Variants in ZNF705G observed in about 807,000 individuals in gnomAD.
ZNF705G encodes the protein zinc finger protein 705G, also known as putative zinc finger protein 705G.
In ZNF705G, 23 loss-of-function variants were observed where a neutral mutation model predicts 19.6. That is an observed-to-expected ratio of 1.17 (90% confidence interval 0.84 to 1.66). The LOEUF is 1.66. Ranked by LOEUF, ZNF705G falls within the 40% of genes most tolerant of loss-of-function variation. The probability of loss-of-function intolerance (pLI) is 0.00; values close to 1 mark genes in which losing one functional copy is unlikely to be tolerated. For missense variants in ZNF705G, 457 were observed against 354.4 expected (o/e 1.29, Z -2.32); for synonymous variants, 146 against 117.7 (o/e 1.24, Z -1.56).
Position 7,358,265 on chromosome 8 carries a change from C to A in ZNF705G, c.614G>T (p.Cys205Phe), listed in dbSNP as rs1343453775. The A allele has an allele frequency of 6.2e-7, 1 of 1,607,666 alleles. No individual in the cohort carries two copies. ...AGAACACTGAGTGAAGGCTTTTCTA[C>A]ATAGATGACATGCATATGGCCTCTC... ...TGERPYACHLCRKAFTQCSHL... is the reference protein window; with the variant it reads ...TGERPYACHLFRKAFTQCSHL... The change falls in exon 7 of 7, where the codon TGT becomes TTT. Residue 205 changes from cysteine to phenylalanine, a missense_variant. Transcript: ENST00000400156.
Position 7,381,021 on chromosome 8 carries a change from AC to A in ZNF705G, c.-72+430del, listed in dbSNP as rs1240616624. On this transcript the variant is annotated intron_variant, in intron 2 of 6. Coordinates refer to ENST00000400156, the MANE Select transcript of ZNF705G (RefSeq NM_001164457.3). Reference sequence around the variant, plus strand: ...ACAGAGCTAGACTCTGTCTCAAACCACCACCAAAAAAAAAAAAAAAAAAAAA... The same window carrying A: ...ACAGAGCTAGACTCTGTCTCAAACCACACCAAAAAAAAAAAAAAAAAAAAA... 1.2e-3 allele frequency among the ~76,000 whole-genome samples: 32 copies of A among 26,750 alleles called. 11 individuals are homozygous for A. The highest frequency in any genetic ancestry group is 2.3e-3 in the East Asian group (2 of 858). 17.5% of individuals were successfully genotyped at this position (26,750 alleles called of 152,430 possible). A position where few individuals can be genotyped will look rare whatever the true frequency, so the allele number is the denominator to read the frequency against.
At chr8:7,360,372 C>T (rs1247766005) in intron 4 of ZNF705G, 40 bp from the exon 5 acceptor site, 7 of 1,585,496 alleles carry the variant, frequency 4.4e-6, no homozygotes, top group Middle Eastern at 2.3e-4. Flanking sequence ...AGTTCACTGT[C>T]AATAAATGTG....
At chr8:7,366,689 A>G (rs541096044) in intron 2 of ZNF705G, among the ~76,000 whole-genome samples, 7 of 149,914 alleles carry the variant, frequency 4.7e-5, no homozygotes, top group Admixed American at 1.3e-4. Context: ...CTAAGTACTT[A>G]CCTCAATAAG....
chr8:7,383,529 A>G (rs1807599205), intron 1 of ZNF705G, among the ~76,000 whole-genome samples: 1 of 146,660 alleles, frequency 6.8e-6, no homozygotes, highest in South Asian at 2.1e-4. Context: ...ACATGAATGA[A>G]TAAATTGACA....
chr8:7,365,660 G>T (rs879771188), intron 2 of ZNF705G, among the ~76,000 whole-genome samples: 1 of 149,424 alleles, frequency 6.7e-6, no homozygotes, highest in Non-Finnish European at 1.5e-5. Context: ...GTGAGCCACC[G>T]TGCCCGGCCC....
intron 2 of ZNF705G, among the ~76,000 whole-genome samples, chr8:7,378,941 G>A (rs1268707085): frequency 3.4e-4 from 50 of 147,764 alleles, no homozygotes; most frequent in Non-Finnish European, 4.9e-4. Flanking sequence ...AGACAGAGGG[G>A]ACATTATTCT....
intron 3 of ZNF705G, 79 bp downstream of exon 3, chr8:7,362,856 C>T (rs1179986004): frequency 7.6e-6 from 12 of 1,583,294 alleles, no homozygotes; most frequent in East Asian, 2.2e-5. Flanking sequence ...AAATGAAACA[C>T]CCATGCAAAT....
chr8:7,367,546 C>T (rs1454997894), intron 2 of ZNF705G, among the ~76,000 whole-genome samples: 1 of 149,462 alleles, frequency 6.7e-6, no homozygotes, highest in East Asian at 1.9e-4. Flanking sequence ...TGCTCAATTT[C>T]AAAGGGTAAG....
chr8:7,357,726 A>T lies in ZNF705G; in HGVS notation c.*250T>A, dbSNP rs1187489648. On this transcript the variant is annotated 3_prime_UTR_variant, in exon 7 of 7. Coordinates refer to ENST00000400156, the MANE Select transcript of ZNF705G (RefSeq NM_001164457.3). The stretch of plus-strand genomic sequence containing the variant: ...CTGAAGTATCTTCCATGTTGATTAC[A>T]GTATTTCTTCAAAATGTGAGTCCTT... The T allele has an allele frequency of 7.4e-6, 5 of 673,588 alleles. No individual in the cohort carries two copies. In the African/African-American group the frequency reaches 8.0e-5, roughly 11 times the overall value. The allele number at this position is 673,588 out of a possible 1,614,324, so 41.7% of individuals were successfully genotyped here. A position where few individuals can be genotyped will look rare whatever the true frequency, so the allele number is the denominator to read the frequency against.
chr8:7,358,498 G>A lies in ZNF705G; in HGVS notation c.381C>T (p.Arg127=). 7 of 1,607,632 alleles carry A rather than the reference G, an allele frequency of 4.4e-6. 1 individual carries two copies. The highest frequency in any genetic ancestry group is 1.1e-5 in the South Asian group (1 of 90,716). ...ACAAACACTGAGTTATTGTGGAACT[G>A]CGAGTGCAATCTTCTCCCGAATCAT... ...ECNDSGEDCT[R]SSTITQCLLT... is the part of the protein sequence containing the mutation. Residue 127 remains arginine (R), a synonymous_variant, in exon 7 of 7, where the codon CGC becomes CGT. Coordinates refer to ENST00000400156, the MANE Select transcript of ZNF705G (RefSeq NM_001164457.3).
intron 2 of ZNF705G, among the ~76,000 whole-genome samples, chr8:7,370,793 G>A (rs535633923): frequency 2.8e-5 from 3 of 106,540 alleles, no homozygotes; most frequent in Non-Finnish European, 5.6e-5. Context: ...ATTCACAACA[G>A]CAAAGACATG....
Position 7,358,473 on chromosome 8 carries a change from A to G in ZNF705G, c.406T>C (p.Leu136=). 1.2e-6 allele frequency: 2 copies of G among 1,607,656 alleles called. No individual in the cohort carries two copies. The highest frequency in any genetic ancestry group is 1.7e-6 in the Non-Finnish European group (2 of 1,179,600). The change falls in exon 7 of 7, where the codon TTA becomes CTA. Residue 136 remains leucine (L), a synonymous_variant. Coordinates refer to ENST00000400156, the MANE Select transcript of ZNF705G (RefSeq NM_001164457.3). The part of the protein sequence containing the change: ...TRSSTITQCL[L]THSGKKPYVS... ...TAGGGTTTCTTTCCACTATGAGTTA[A>G]CAAACACTGAGTTATTGTGGAACTG...
chr8:7,359,367 T>A (rs1443744023), intron 6 of ZNF705G, among the ~76,000 whole-genome samples: 2 of 149,902 alleles, frequency 1.3e-5, no homozygotes, highest in African/African-American at 2.5e-5. Flanking sequence ...CATAATTGTG[T>A]TGATATCAAT....
At chr8:7,361,748 G>T (rs536505739) in intron 3 of ZNF705G, among the ~76,000 whole-genome samples, 4 of 149,646 alleles carry the variant, frequency 2.7e-5, no homozygotes, top group East Asian at 3.9e-4. Context: ...AATAGAAAAC[G>T]TGTTTCCTAT....
intron 2 of ZNF705G, among the ~76,000 whole-genome samples, chr8:7,366,847 A>G (rs1806880336): frequency 6.7e-6 from 1 of 149,722 alleles, no homozygotes; most frequent in Admixed American, 6.6e-5. Context: ...TTCTGTGATG[A>G]AAGAAATTCT....
At chr8:7,361,264 G>T (rs747032780) in intron 3 of ZNF705G, 28 bp from the exon 4 acceptor site, 1 of 1,592,518 alleles carries the variant, frequency 6.3e-7, no homozygotes, top group African/African-American at 1.4e-5. Context: ...TTTTAGTTTA[G>T]ACAGAGAAAT....
chr8:7,365,579 G>A (rs1158116074), intron 2 of ZNF705G, among the ~76,000 whole-genome samples: 1 of 148,914 alleles, frequency 6.7e-6, no homozygotes, highest in Admixed American at 6.6e-5. Flanking sequence ...CATTTTGGTC[G>A]CGCTGGTCTA....
chr8:7,380,102 A>C (rs1333208630), intron 2 of ZNF705G, among the ~76,000 whole-genome samples: 28 of 144,040 alleles, frequency 1.9e-4, no homozygotes, highest in Non-Finnish European at 3.7e-4. Flanking sequence ...TGCCCCCAGA[A>C]CAAAGGGAGC....
chr8:7,369,625 T>C (rs1369437652), intron 2 of ZNF705G, among the ~76,000 whole-genome samples: 1 of 149,704 alleles, frequency 6.7e-6, no homozygotes, highest in Non-Finnish European at 1.5e-5. Flanking sequence ...TTATTTGCAA[T>C]AGCAAAGACA....
Sources: allele counts gnomAD v4.1 joint callset (sites outside exome capture counted in the v4.1 genomes callset), GRCh38; gene constraint gnomAD v4.1.1; transcripts MANE v1.5; gene names NCBI Gene and HGNC (gene_info 2026-07-23, HGNC 2026-07-21).